The following TRMT2A variants were observed in gnomAD, a reference collection of about 807,000 sequenced individuals.
TRMT2A encodes tRNA (uracil-5-)-methyltransferase homolog A.
TRMT2A carries 60 observed loss-of-function variants against 59.3 expected under a neutral mutation model. That is an observed-to-expected ratio of 1.01 (90% CI 0.82 to 1.26). The LOEUF is 1.26. Among genes scored for constraint, TRMT2A ranks in the 50% most tolerant of loss-of-function variants. The pLI is 0.00. For synonymous variants in TRMT2A, 403 were observed against 353.7 expected, an observed-to-expected ratio of 1.14 and a Z score of -1.56; for missense variants, 863 against 845.2, an observed-to-expected ratio of 1.02 and a Z score of -0.26.
At chr22:20,113,400 TCCCC>T in intron 9 of TRMT2A, 28 bp downstream of exon 9, 3 of 1,049,412 alleles carry the variant, frequency 2.9e-6, no homozygotes, top group Non-Finnish European at 4.3e-6. Flanking sequence ...GCTGCCCCCA[TCCCC>T]ACCCCCACCC....
chr22:20,115,550 G>A (rs752186335), intron 3 of TRMT2A, 103 bp from the exon 4 acceptor site: 48 of 1,560,244 alleles, frequency 3.1e-5, no homozygotes, highest in Non-Finnish European at 3.9e-5. Flanking sequence ...AGGAACAGCT[G>A]ACAACTATGT....
At position 20,115,072 on chromosome 22, in the gene TRMT2A, G is replaced by A; in HGVS notation, c.898C>T (p.Pro300Ser). The A allele has an allele frequency of 1.3e-6, 2 of 1,591,160 alleles. No individual in the cohort carries two copies. Among genetic ancestry groups the A allele is most frequent in the Non-Finnish European group, 1.7e-6 (2 of 1,173,870 alleles). ...KAFQEFIRSTPYSAYDPETYT... is the reference protein window; with the variant it reads ...KAFQEFIRSTSYSAYDPETYT... ...GTCTCTGGGTCGTATGCCGAGTATG[G>A]AGTGGACCTGTGGGAATCACGAGCT... The change falls in exon 5 of 12, where the codon CCA becomes TCA. Residue 300 changes from proline (P) to serine (S), a missense_variant. Pro to Ser is a moderately conservative substitution (Grantham distance 74). Coordinates refer to ENST00000252136, the MANE Select transcript of TRMT2A (RefSeq NM_022727.6).
rs757394455 is a variant in TRMT2A at position 20,113,416 on chromosome 22, C to T, written c.1432+16G>A. ...CTGCCCCCATCCCCACCCCCACCCA[C>T]GGCCTTGCCACTCACCATTGTCCTG... On this transcript the variant is annotated intron_variant, in intron 9 of 11. Transcript: ENST00000252136. The T allele has an allele frequency of 1.4e-5, 22 of 1,588,004 alleles. No individual in the cohort carries two copies. The highest frequency in any genetic ancestry group is 1.8e-5 in the Admixed American group (1 of 56,652).
rs2050049228 is a variant in TRMT2A at position 20,117,059 on chromosome 22, C to T, written c.-153G>A. The stretch of plus-strand genomic sequence containing the variant: ...CGGTGCAACGCCGCGAGGTCGCCGC[C>T]ACCCCCGGCTTCGCCCCAGGCGGGG... On this transcript the variant is annotated 5_prime_UTR_variant, in exon 1 of 12. Transcript: ENST00000252136. 1 of 999,362 alleles carries T rather than the reference C, an allele frequency of 1.0e-6. No homozygotes were observed. The highest frequency in any genetic ancestry group is 1.6e-5 in the South Asian group (1 of 62,978). The allele number at this position is 999,362 out of a possible 1,614,324, so 61.9% of individuals were successfully genotyped here.
In TRMT2A at chr22:20,115,774, G is replaced by A. The variant is rs769918678; in HGVS notation, c.606C>T (p.Ile202=). ...GCAGCAAGGCACGGTTGGTGCTCCC[G>A]ATTTCCCTGTAAGAGGAGCAGATCG... The part of the protein sequence containing the change: ...EQVLQKLAKE[I]GSTNRALLPW... Residue 202 remains isoleucine (I), a synonymous_variant, in exon 3 of 12, where the codon ATC becomes ATT. Coordinates refer to ENST00000252136, the MANE Select transcript of TRMT2A (RefSeq NM_022727.6). The A allele has an allele frequency of 8.1e-6, 13 of 1,606,834 alleles. No individual in the cohort carries two copies. The highest frequency in any genetic ancestry group is 5.3e-5 in the African/African-American group (4 of 74,832).
At chr22:20,113,920 T>A (rs973744610) in intron 7 of TRMT2A, 112 bp from the exon 8 acceptor site, 68 of 1,372,768 alleles carry the variant, frequency 5.0e-5, no homozygotes, top group Non-Finnish European at 6.1e-5. Flanking sequence ...CGGCGCCCAC[T>A]CCCCACCTTG....
Position 20,117,195 on chromosome 22 carries a change from C to T in TRMT2A, c.-289G>A. 1 of 545,292 alleles carries T rather than the reference C, an allele frequency of 1.8e-6. No individual in the cohort carries two copies. Among genetic ancestry groups the T allele is most frequent in the Non-Finnish European group, 3.0e-6 (1 of 329,530 alleles). 33.8% of individuals were successfully genotyped at this position (545,292 alleles called of 1,614,324 possible). Reference sequence around the variant, plus strand: ...GCTTCGCCAGCCACTCTTAGTCCGCCAGCGCGTGCGGCGGAGGCCGAGCGT... The same window carrying T: ...GCTTCGCCAGCCACTCTTAGTCCGCTAGCGCGTGCGGCGGAGGCCGAGCGT... On this transcript the variant is annotated 5_prime_UTR_variant, in exon 1 of 12. Transcript: ENST00000252136.
Position 20,114,637 on chromosome 22 carries a change from G to A in TRMT2A, c.1170C>T (p.Asp390=). The A allele has an allele frequency of 1.2e-6, 2 of 1,613,822 alleles. No homozygotes were observed. The highest frequency in any genetic ancestry group is 1.7e-6 in the Non-Finnish European group (2 of 1,180,024). Reference sequence around the variant, plus strand: ...CTAGCAGGTCCTCGTGGATGCACCGGTCCCCAGCCACATGCTCCAGGGGCA... The same window carrying A: ...CTAGCAGGTCCTCGTGGATGCACCGATCCCCAGCCACATGCTCCAGGGGCA... The part of the protein sequence containing the change: ...EGLPLEHVAG[D]RCIHEDLLGL... The change falls in exon 7 of 12, where the codon GAC becomes GAT. Residue 390 remains aspartate (D), a synonymous_variant. Coordinates refer to ENST00000252136, the MANE Select transcript of TRMT2A (RefSeq NM_022727.6).
chr22:20,114,764 T>C lies in TRMT2A; in HGVS notation c.1118A>G (p.Gln373Arg). 6.2e-7 allele frequency: 1 copy of C among 1,612,284 alleles called. No homozygotes were observed. The highest frequency in any genetic ancestry group is 8.5e-7 in the Non-Finnish European group (1 of 1,179,758). Residue 373 changes from glutamine to arginine, a missense_variant, in exon 6 of 12, where the codon CAG becomes CGG. Physicochemically the swap from Gln to Arg is conservative, Grantham distance 43. Transcript: ENST00000252136. Reference sequence around the variant, plus strand: ...CCGCCCCACTCGGGCTCCTTACCGCTGTCCCTCCTCCACGAAGTAGAGGCA... The same window carrying C: ...CCGCCCCACTCGGGCTCCTTACCGCCGTCCCTCCTCCACGAAGTAGAGGCA... ...VTCLYFVEEG[Q>R]RKTPSQEGLP...
In TRMT2A at chr22:20,112,478, A is replaced by T; in HGVS notation, c.*85T>A. ...TGTGCCCTTTGGCTGCCTACCTCTG[A>T]ATATCCTGGCCAGCAAGCCATGCCT... On this transcript the variant is annotated 3_prime_UTR_variant, in exon 12 of 12. Transcript: ENST00000252136. 6.7e-7 allele frequency: 1 copy of T among 1,484,200 alleles called. No individual in the cohort carries two copies. Among genetic ancestry groups the T allele is most frequent in the Non-Finnish European group, 9.0e-7 (1 of 1,108,062 alleles). 91.9% of individuals were successfully genotyped at this position (1,484,200 alleles called of 1,614,324 possible). A position where few individuals can be genotyped will look rare whatever the true frequency, so the allele number is the denominator to read the frequency against.
In TRMT2A at chr22:20,115,740, G is replaced by T. The variant is rs9605067; in HGVS notation, c.640C>A (p.Leu214Ile). The T allele has an allele frequency of 0.036, 58,130 of 1,612,224 alleles. 1,266 individuals carry two copies. Among genetic ancestry groups the T allele is most frequent in the Non-Finnish European group, 0.041 (47,827 of 1,179,376 alleles). Reference sequence around the variant, plus strand: ...TTGTTGTGCTTGTGCCTCTGCTCGAGCAGCCAGGGCAGCAAGGCACGGTTG... The same window carrying T: ...TTGTTGTGCTTGTGCCTCTGCTCGATCAGCCAGGGCAGCAAGGCACGGTTG... ...STNRALLPWLLEQRHKHNKAC... is the reference protein window; with the variant it reads ...STNRALLPWLIEQRHKHNKAC... Residue 214 changes from leucine (L) to isoleucine (I), a missense_variant, in exon 3 of 12, where the codon CTC (leucine) becomes ATC (isoleucine). By Grantham distance (5) the Leu-to-Ile change is conservative (BLOSUM62 2). Transcript: ENST00000252136.
At chr22:20,116,696 C>G (rs1260340931) in intron 1 of TRMT2A, 84 bp from the exon 2 acceptor site, 2 of 1,471,538 alleles carry the variant, frequency 1.4e-6, no homozygotes, top group African/African-American at 2.8e-5. Context: ...GACACCCAGA[C>G]CTCCGTCGGT....
chr22:20,112,483 C>G lies in TRMT2A; in HGVS notation c.*80G>C, dbSNP rs899526077. The G allele has an allele frequency of 4.0e-6, 6 of 1,501,318 alleles. No homozygotes were observed. Among genetic ancestry groups the G allele is most frequent in the Non-Finnish European group, 8.9e-7 (1 of 1,118,320 alleles). The allele number at this position is 1,501,318 out of a possible 1,614,324, so 93.0% of individuals were successfully genotyped here. A position where few individuals can be genotyped will look rare whatever the true frequency, so the allele number is the denominator to read the frequency against. The stretch of plus-strand genomic sequence containing the variant: ...CCTTTGGCTGCCTACCTCTGAATAT[C>G]CTGGCCAGCAAGCCATGCCTTCCCC... On this transcript the variant is annotated 3_prime_UTR_variant, in exon 12 of 12. Coordinates refer to ENST00000252136, the MANE Select transcript of TRMT2A (RefSeq NM_022727.6).
rs1486428475 is a variant in TRMT2A at position 20,113,076 on chromosome 22, G to A, written c.1549+42C>T. The A allele has an allele frequency of 2.5e-6, 4 of 1,609,454 alleles. No individual in the cohort carries two copies. The Admixed American group carries it at 5.0e-5, about 20-fold the overall frequency. ...CATAACATGGTGAGCCACCCCATGT[G>A]TCCTCGTTCCCGTGCCACCTCCTTA... On this transcript the variant is annotated intron_variant, in intron 10 of 11. Coordinates refer to ENST00000252136, the MANE Select transcript of TRMT2A (RefSeq NM_022727.6).
Position 20,112,646 on chromosome 22 carries a change from C to T in TRMT2A, c.1795G>A (p.Gly599Arg). 6.2e-7 allele frequency: 1 copy of T among 1,614,066 alleles called. No homozygotes were observed. The highest frequency in any genetic ancestry group is 8.5e-7 in the Non-Finnish European group (1 of 1,180,014). ...VEHPNGTGVL[G>R]PHSPPAQPTP... ...GGTTGAGCTGGAGGGCTGTGGGGCC[C>T]CAAGACCCCTGTGCCATTGGGGTGC... The change falls in exon 12 of 12, where the codon GGG becomes AGG. Residue 599 changes from glycine to arginine, a missense_variant. Transcript: ENST00000252136.
intron 9 of TRMT2A, 69 bp from the exon 10 acceptor site, chr22:20,113,303 C>A: frequency 1.3e-6 from 2 of 1,511,998 alleles, no homozygotes; most frequent in Non-Finnish European, 1.8e-6. Context: ...CCTGGGGAAC[C>A]CCTAGCCAAA....
chr22:20,112,751 G>A lies in TRMT2A; in HGVS notation c.1690C>T (p.Arg564Trp), dbSNP rs556750063. Residue 564 changes from arginine to tryptophan, a missense_variant, in exon 12 of 12, where the codon CGG becomes TGG. Coordinates refer to ENST00000252136, the MANE Select transcript of TRMT2A (RefSeq NM_022727.6). ...PSNRVKGIPF[R>W]PVKAVAVDLF... is the part of the protein sequence containing the mutation. ...TCCACTGCCACAGCCTTGACCGGCC[G>A]GAAGGGAATGCCCTTCACCCGGTTA... 3.5e-5 allele frequency: 56 copies of A among 1,613,776 alleles called. 1 individual carries two copies. Among genetic ancestry groups the A allele is most frequent in the South Asian group, 2.2e-4 (20 of 91,074 alleles).
chr22:20,116,000 A>G (rs2050003232), intron 2 of TRMT2A, 38 bp downstream of exon 2: 1 of 1,521,820 alleles, frequency 6.6e-7, no homozygotes, highest in East Asian at 2.3e-5. Context: ...GGCCGGGCAG[A>G]GCCCTGGCCA....
rs746957275 is a variant in TRMT2A at position 20,112,768 on chromosome 22, A to C, written c.1673T>G (p.Val558Gly). The change falls in exon 12 of 12, where the codon GTG becomes GGG. Residue 558 changes from valine (V) to glycine (G), a missense_variant. Transcript: ENST00000252136. The part of the protein sequence containing the change: ...VDLCRAPSNR[V>G]KGIPFRPVKA... ...GACCGGCCGGAAGGGAATGCCCTTCACCCGGTTAGATGGGGCTCTGCAGAG... is the reference window on the plus strand; with the variant it reads ...GACCGGCCGGAAGGGAATGCCCTTCCCCCGGTTAGATGGGGCTCTGCAGAG... 2 of 1,613,294 alleles carry C rather than the reference A, an allele frequency of 1.2e-6. No homozygotes were observed. Among genetic ancestry groups the C allele is most frequent in the Non-Finnish European group, 1.7e-6 (2 of 1,179,968 alleles).
Sources: allele counts gnomAD v4.1 joint callset, GRCh38; gene constraint gnomAD v4.1.1; transcripts MANE v1.5; gene names NCBI Gene and HGNC (gene_info 2026-07-23, HGNC 2026-07-21).